KALRN: variants seen among roughly 807,000 people sequenced by gnomAD.
The protein encoded by KALRN is kalirin.
In KALRN, 70 loss-of-function variants were observed where a neutral mutation model predicts 353.7. That is an observed-to-expected ratio of 0.20 (90% CI 0.16 to 0.24). The LOEUF is 0.24. KALRN is among the 10% of genes least tolerant of loss of function. The pLI is 1.00. For synonymous variants in KALRN, 1,391 were observed against 1,434.8 expected, an observed-to-expected ratio of 0.97 and a Z score of 0.69; for missense variants, 2,791 against 3,756.7, an observed-to-expected ratio of 0.74 and a Z score of 6.72.
rs544630724 is a variant in KALRN, at chr3:124,511,628, C to G, written c.4935+15215C>G. On this transcript the variant is annotated intron_variant, in intron 33 of 59. Transcript: ENST00000682506. Reference sequence around the variant, plus strand: ...AGAGCCTCCAGTGAGCAGGCCCCTTCCCTCTGCCCCTGCTCCTCCCCTGGG... The same window carrying G: ...AGAGCCTCCAGTGAGCAGGCCCCTTGCCTCTGCCCCTGCTCCTCCCCTGGG... 1.3e-5 allele frequency among the ~76,000 whole-genome samples: 2 copies of G among 152,310 alleles called. 1 individual carries two copies. Among genetic ancestry groups the G allele is most frequent in the African/African-American group, 4.8e-5 (2 of 41,576 alleles).
intron 5 of KALRN, among the ~76,000 whole-genome samples, chr3:124,282,369 C>T (rs1222257304): frequency 6.7e-6 from 1 of 148,190 alleles, no homozygotes; most frequent in Non-Finnish European, 1.5e-5. Context: ...CATTTCTGCC[C>T]TACATTTTTC....
intron 57 of KALRN, among the ~76,000 whole-genome samples, chr3:124,710,993 G>A (rs946885653): frequency 6.6e-6 from 1 of 152,180 alleles, no homozygotes. Flanking sequence ...TCTGCAAGAA[G>A]TAACTTATGA....
chr3:124,078,380 A>C (rs2060366225), intron 1 of KALRN, among the ~76,000 whole-genome samples: 1 of 152,208 alleles, frequency 6.6e-6, no homozygotes, highest in Admixed American at 6.5e-5. Flanking sequence ...TTAATTGATA[A>C]TGTATTTATA....
In KALRN at chr3:124,347,274, C is replaced by CTG. The variant is rs61359186; in HGVS notation, c.1770+55_1770+56dup. 0.035 allele frequency: 40,095 copies of CTG among 1,152,090 alleles called. 3,585 individuals carry two copies. Among genetic ancestry groups the CTG allele is most frequent in the East Asian group, 0.1 (2,332 of 22,276 alleles). 71.4% of individuals were successfully genotyped at this position (1,152,090 alleles called of 1,614,324 possible). A position where few individuals can be genotyped will look rare whatever the true frequency, so the allele number is the denominator to read the frequency against. ...TTGAAGAGGTGGCTCAGGTGAGAAG[C>CTG]TGTGTGTGTGTGTGTGTGTGTGTGT... On this transcript the variant is annotated intron_variant, in intron 10 of 59. Transcript: ENST00000682506.
chr3:124,107,225 T>C (rs2062394520), intron 1 of KALRN, among the ~76,000 whole-genome samples: 1 of 152,120 alleles, frequency 6.6e-6, no homozygotes, highest in Non-Finnish European at 1.5e-5. Flanking sequence ...GGGCTAGGGG[T>C]GGAGGAAGGA....
At chr3:124,048,915 G>C (rs2040774618) in intron 1 of KALRN, among the ~76,000 whole-genome samples, 1 of 152,140 alleles carries the variant, frequency 6.6e-6, no homozygotes, top group Non-Finnish European at 1.5e-5. Flanking sequence ...ACATTATTTG[G>C]TCCAAAGAGT....
At chr3:124,340,351 G>C (rs1285278233) in intron 9 of KALRN, among the ~76,000 whole-genome samples, 5 of 152,000 alleles carry the variant, frequency 3.3e-5, no homozygotes, top group African/African-American at 9.7e-5. Context: ...GTAAAACCCT[G>C]TCTCTACTAA....
chr3:124,472,416 A>C lies in KALRN; in HGVS notation c.4032-2247A>C, dbSNP rs181871572. On this transcript the variant is annotated intron_variant, in intron 25 of 59. Transcript: ENST00000682506. ...TAAGGGAGAAGGGCCCAGGCTGGGC[A>C]CGGTGGCTCATGCCTGTAATCCCAG... Among the ~76,000 whole-genome samples the C allele has an allele frequency of 2.9e-3, 441 of 152,288 alleles. 7 individuals carry two copies. The highest frequency in any genetic ancestry group is 0.026 in the Admixed American group (393 of 15,292).
intron 55 of KALRN, among the ~76,000 whole-genome samples, chr3:124,698,271 C>T (rs573363489): frequency 2.5e-4 from 38 of 152,230 alleles, no homozygotes; most frequent in Non-Finnish European, 4.0e-4. Flanking sequence ...CCACCGCGCC[C>T]GGCCTCCTGC....
At chr3:124,217,266 T>C (rs2077423671) in intron 1 of KALRN, among the ~76,000 whole-genome samples, 1 of 152,228 alleles carries the variant, frequency 6.6e-6, no homozygotes, top group Non-Finnish European at 1.5e-5. Context: ...TCAATAAATA[T>C]TTACTGAATT....
chr3:124,662,976 T>C (rs1409041514), intron 45 of KALRN, among the ~76,000 whole-genome samples: 1 of 152,144 alleles, frequency 6.6e-6, no homozygotes, highest in East Asian at 1.9e-4. Context: ...CTTTTTTTTT[T>C]AAACAGAGTT....
intron 32 of KALRN, among the ~76,000 whole-genome samples, chr3:124,493,087 T>C (rs1479995186): frequency 6.6e-6 from 1 of 152,222 alleles, no homozygotes; most frequent in African/African-American, 2.4e-5. Flanking sequence ...GCACCTCTTA[T>C]ATGATAAACA....
chr3:124,159,390 C>A (rs2069534021), intron 1 of KALRN, among the ~76,000 whole-genome samples: 2 of 152,254 alleles, frequency 1.3e-5, no homozygotes, highest in African/African-American at 4.8e-5. Context: ...CCTACCTCAG[C>A]CCCCCAAGTA....
At chr3:124,439,189 CT>C (rs1219219727) in intron 18 of KALRN, 152 bp downstream of exon 18, 1 of 393,332 alleles carries the variant, frequency 2.5e-6, no homozygotes, top group Non-Finnish European at 4.3e-6. Context: ...TCTTCTCCTT[CT>C]CTCTCTCTCT....
intron 1 of KALRN, among the ~76,000 whole-genome samples, chr3:124,130,478 T>C (rs2065152871): frequency 6.6e-6 from 1 of 152,178 alleles, no homozygotes; most frequent in Non-Finnish European, 1.5e-5. Flanking sequence ...AAAATGACTA[T>C]TTACCAATAA....
At chr3:124,643,206 T>A (rs1578591760) in intron 37 of KALRN, among the ~76,000 whole-genome samples, 2 of 152,064 alleles carry the variant, frequency 1.3e-5, no homozygotes, top group African/African-American at 4.8e-5. Context: ...GGAGGCAGGG[T>A]CTGACTTTGT....
At chr3:124,472,065 C>G (rs917377118) in intron 25 of KALRN, among the ~76,000 whole-genome samples, 8 of 151,718 alleles carry the variant, frequency 5.3e-5, no homozygotes, top group African/African-American at 1.9e-4. Context: ...TTTTTGCTTC[C>G]TGAGGATTTT....
At chr3:124,506,208 G>C (rs1190550177) in intron 33 of KALRN, among the ~76,000 whole-genome samples, 1 of 152,128 alleles carries the variant, frequency 6.6e-6, no homozygotes. Flanking sequence ...TCTTCTTTTG[G>C]GGAGAAAACT....
chr3:124,403,999 T>C (rs570684), intron 13 of KALRN, among the ~76,000 whole-genome samples: 138,097 of 151,992 alleles, frequency 0.91, 63,506 homozygotes, highest in Non-Finnish European at 0.99. Flanking sequence ...TTTGGCATCC[T>C]TGGATGATGC....
Sources: gnomAD v4.1 joint callset for allele counts (sites outside exome capture counted in the v4.1 genomes callset) on GRCh38, gnomAD v4.1.1 for gene constraint, MANE v1.5 for transcripts, NCBI Gene and HGNC (gene_info 2026-07-23, HGNC 2026-07-21) for gene names.